The following BAZ2B variants were observed in gnomAD, a reference collection of about 807,000 sequenced individuals.
BAZ2B encodes the protein bromodomain adjacent to zinc finger domain protein 2B.
Under a neutral mutation model 246.0 loss-of-function variants are expected in BAZ2B, and 91 were observed. The ratio of observed to expected loss-of-function variants is 0.37; its 90% CI spans 0.31 to 0.44. The LOEUF (loss-of-function observed/expected upper bound fraction) is 0.44, where lower values mean the gene tolerates loss of function less well. BAZ2B is among the 20% of genes least tolerant of loss of function. The pLI, the probability that BAZ2B is intolerant of heterozygous loss-of-function variation, is 1.00. For synonymous variants in BAZ2B, 855 were observed against 860.0 expected, an observed-to-expected ratio of 0.99 and a Z score of 0.10; for missense variants, 2,332 against 2,533.7, an observed-to-expected ratio of 0.92 and a Z score of 1.71.
chr2:159,698,237 C>T, the BAZ2B span, among the ~76,000 whole-genome samples: 1 of 151,980 alleles, frequency 6.6e-6, no homozygotes, highest in South Asian at 2.1e-4. Flanking sequence ...AAATATTTTA[C>T]TAGGCCAGGC....
intron 31 of BAZ2B, among the ~76,000 whole-genome samples, chr2:159,342,751 A>G (rs1369432290): frequency 6.6e-6 from 1 of 152,224 alleles, no homozygotes; most frequent in Non-Finnish European, 1.5e-5. Context: ...GGAAAACTAT[A>G]AAACACTGAT....
chr2:159,409,514 G>A (rs554651467), intron 14 of BAZ2B, among the ~76,000 whole-genome samples: 207 of 152,134 alleles, frequency 1.4e-3, no homozygotes, highest in Non-Finnish European at 2.4e-3. Context: ...ATTTCACAAC[G>A]TTTGGATGTA....
intron 6 of BAZ2B, chr2:159,444,374 A>G (rs934912450): frequency 6.6e-6 from 1 of 152,114 alleles, no homozygotes; most frequent in Non-Finnish European, 1.5e-5. Flanking sequence ...CATTTTTGTG[A>G]TGGGTACCGT....
intron 16 of BAZ2B, among the ~76,000 whole-genome samples, 172 bp from the exon 17 acceptor site, chr2:159,400,836 C>A (rs892084876): frequency 6.6e-6 from 1 of 152,006 alleles, no homozygotes; most frequent in South Asian, 2.1e-4. Context: ...GTCAGGAGAT[C>A]GAGACCATCC....
At chr2:159,561,471 A>G (rs1465721764) in intron 1 of BAZ2B, among the ~76,000 whole-genome samples, 1 of 152,192 alleles carries the variant, frequency 6.6e-6, no homozygotes, top group African/African-American at 2.4e-5. Context: ...TTCTTTATAA[A>G]CTACACAGCT....
chr2:159,676,647 G>GCACACACACACACACACACACACACACA, the BAZ2B span, among the ~76,000 whole-genome samples: 1 of 132,544 alleles, frequency 7.5e-6, no homozygotes, highest in African/African-American at 2.8e-5. Flanking sequence ...GTATCTAAAT[G>GCACACACACACACACACACACACACACA]CACACACACA....
intron 4 of BAZ2B, among the ~76,000 whole-genome samples, chr2:159,448,689 G>A (rs1363979136): frequency 6.6e-6 from 1 of 152,108 alleles, no homozygotes; most frequent in Non-Finnish European, 1.5e-5. Flanking sequence ...AAATGAAAGT[G>A]AAAACTTGGA....
chr2:159,685,517 AT>A, the BAZ2B span, among the ~76,000 whole-genome samples: 2 of 152,206 alleles, frequency 1.3e-5, no homozygotes, highest in Non-Finnish European at 2.9e-5. Context: ...CCTTGAAGAA[AT>A]AGCTGATTAC....
chr2:159,584,305 A>T (rs1307751563), intron 1 of BAZ2B, among the ~76,000 whole-genome samples: 1 of 152,136 alleles, frequency 6.6e-6, no homozygotes, highest in Non-Finnish European at 1.5e-5. Flanking sequence ...TATTTTTAGC[A>T]GAGACGCGGT....
In BAZ2B at chr2:159,432,992, G is replaced by T; in HGVS notation, c.1665C>A (p.Ala555=). The change falls in exon 9 of 37, where the codon GCC becomes GCA. Residue 555 remains alanine (A), a synonymous_variant. Coordinates refer to ENST00000392783, the MANE Select transcript of BAZ2B (RefSeq NM_013450.4). Reference sequence around the variant, plus strand: ...TCCCTTGACTATGCAGGATGGGAGAGGCAGAGGGCATTACAGGTGTCTGAT... The same window carrying T: ...TCCCTTGACTATGCAGGATGGGAGATGCAGAGGGCATTACAGGTGTCTGAT... ...PGNQTPVMPS[A]SPILHSQGKE... is the part of the protein sequence containing the mutation. The T allele has an allele frequency of 2.5e-6, 4 of 1,614,140 alleles. No homozygotes were observed. The highest frequency in any genetic ancestry group is 2.5e-6 in the Non-Finnish European group (3 of 1,180,020).
At chr2:159,450,898 C>T (rs2075002899) in intron 4 of BAZ2B, among the ~76,000 whole-genome samples, 1 of 152,016 alleles carries the variant, frequency 6.6e-6, no homozygotes, top group African/African-American at 2.4e-5. Context: ...CACAACCATG[C>T]CTGGCTAATT....
intron 2 of BAZ2B, among the ~76,000 whole-genome samples, chr2:159,479,205 C>G (rs1577568462): frequency 6.6e-6 from 1 of 152,086 alleles, no homozygotes; most frequent in Non-Finnish European, 1.5e-5. Context: ...GGAATCCCCC[C>G]CATACCCCTC....
At chr2:159,507,974 G>A (rs2082506674) in intron 2 of BAZ2B, among the ~76,000 whole-genome samples, 1 of 152,142 alleles carries the variant, frequency 6.6e-6, no homozygotes, top group African/African-American at 2.4e-5. Context: ...CGGTTCAAGT[G>A]ATTCTTGTGC....
chr2:159,560,893 G>GA (rs1284524635), intron 1 of BAZ2B, among the ~76,000 whole-genome samples: 3 of 151,692 alleles, frequency 2.0e-5, no homozygotes, highest in Admixed American at 1.3e-4. Context: ...ATTCAGTATG[G>GA]AAAAAAAATC....
intron 31 of BAZ2B, among the ~76,000 whole-genome samples, chr2:159,344,416 C>T (rs1209251464): frequency 6.6e-6 from 1 of 151,882 alleles, no homozygotes; most frequent in Non-Finnish European, 1.5e-5. Context: ...TGCCTGTAAT[C>T]CCAGCTACTC....
At chr2:159,497,033 TTCA>T (rs1247707486) in intron 2 of BAZ2B, among the ~76,000 whole-genome samples, 8 of 152,138 alleles carry the variant, frequency 5.3e-5, no homozygotes, top group East Asian at 3.8e-4. Context: ...CTTATAAAAG[TTCA>T]TCATTTAATA....
At chr2:159,520,699 G>C (rs2084036126) in intron 2 of BAZ2B, among the ~76,000 whole-genome samples, 1 of 152,098 alleles carries the variant, frequency 6.6e-6, no homozygotes, top group Non-Finnish European at 1.5e-5. Context: ...TTTCTGCATG[G>C]TATACAATCA....
At chr2:159,468,891 A>G (rs1477434313) in intron 3 of BAZ2B, among the ~76,000 whole-genome samples, 3 of 152,052 alleles carry the variant, frequency 2.0e-5, no homozygotes, top group Non-Finnish European at 4.4e-5. Context: ...AAAAATAAAA[A>G]TATAAAAAAA....
At chr2:159,388,145 A>C (rs2062858223) in intron 21 of BAZ2B, among the ~76,000 whole-genome samples, 1 of 151,896 alleles carries the variant, frequency 6.6e-6, no homozygotes, top group East Asian at 1.9e-4. Flanking sequence ...AATAAAATAA[A>C]AAAAGAGCTT....
Sources: allele counts gnomAD v4.1 joint callset (sites outside exome capture counted in the v4.1 genomes callset), GRCh38; gene constraint gnomAD v4.1.1; transcripts MANE v1.5; gene names NCBI Gene and HGNC (gene_info 2026-07-23, HGNC 2026-07-21).